CP: variants seen among roughly 807,000 people sequenced by gnomAD.
CP encodes caeruloplasmin.
CP carries 64 observed loss-of-function variants against 122.4 expected under a neutral mutation model. That is an observed-to-expected ratio of 0.52 (90% confidence interval 0.43 to 0.64). The LOEUF (loss-of-function observed/expected upper bound fraction) is 0.64. Among genes scored for constraint, CP ranks in the 30% least tolerant of loss-of-function variants. The pLI, the probability that CP is intolerant of heterozygous loss-of-function variation, is 0.00. For synonymous variants in CP, 440 were observed against 436.4 expected, an observed-to-expected ratio of 1.01 and a Z score of -0.10; for missense variants, 1,167 against 1,284.4, an observed-to-expected ratio of 0.91 and a Z score of 1.40.
chr3:149,175,664 A>AGTGTGTTTGTGT (rs1725369518), intron 18 of CP, among the ~76,000 whole-genome samples: 2 of 145,566 alleles, frequency 1.4e-5, no homozygotes, highest in South Asian at 4.4e-4. Flanking sequence ...CTCCATTTTA[A>AGTGTGTTTGTGT]GTGTGTGTGT....
intron 5 of CP, chr3:149,165,894 A>C: frequency 2.4e-6 from 1 of 415,064 alleles, no homozygotes; most frequent in Non-Finnish European, 4.9e-6. Context: ...GATTGTCAGG[A>C]AATTATTCAC....
At chr3:149,214,193 G>A (rs11709714) in intron 1 of CP, among the ~76,000 whole-genome samples, 60,395 of 151,948 alleles carry the variant, frequency 0.4, 13,723 homozygotes, top group Admixed American at 0.53. Flanking sequence ...TAGAAAACTC[G>A]GTTTCCAGGT....
In CP at chr3:149,162,791, CTT is replaced by C. The variant is rs1313576315; in HGVS notation, c.*96_*97del. On this transcript the variant is annotated 3_prime_UTR_variant, in exon 6 of 6. Transcript: ENST00000479771. ...TCCCAGATGTGGTACTTCAGGAACT[CTT>C]TTTCAAACTCACATCACAGTACATC... The C allele has an allele frequency of 8.1e-6, 13 of 1,613,998 alleles. No individual in the cohort carries two copies. The highest frequency in any genetic ancestry group is 1.7e-4 in the Middle Eastern group (1 of 6,060).
At chr3:149,207,646 A>G in intron 4 of CP, 29 bp from the exon 5 acceptor site, 1 of 1,612,360 alleles carries the variant, frequency 6.2e-7, no homozygotes, top group Non-Finnish European at 8.5e-7. Context: ...GTTTGTGACT[A>G]AGAGTCATTA....
At chr3:149,166,151 A>G (rs1315783347) in intron 4 of CP, 1 of 386,700 alleles carries the variant, frequency 2.6e-6, no homozygotes, top group Non-Finnish European at 5.1e-6. Flanking sequence ...GGTAGAATCA[A>G]AAGTAGTATT....
At chr3:149,193,872 G>A (rs1278448349) in intron 9 of CP, among the ~76,000 whole-genome samples, 1 of 152,222 alleles carries the variant, frequency 6.6e-6, no homozygotes, top group Non-Finnish European at 1.5e-5. Context: ...TAACTAATCT[G>A]TAGCCACATG....
At chr3:149,168,021 G>C, downstream of CP, 1 of 1,195,690 alleles carries the variant, frequency 8.4e-7, no homozygotes, top group Non-Finnish European at 1.2e-6. Context: ...ATAAACTTAA[G>C]TTTCAGTTTT....
At chr3:149,190,681 A>AG (rs1204848851) in intron 9 of CP, among the ~76,000 whole-genome samples, 43 of 146,930 alleles carry the variant, frequency 2.9e-4, no homozygotes, top group South Asian at 8.7e-4. Flanking sequence ...AAAAAAAAGG[A>AG]GGGGGGGAAC....
chr3:149,162,448 T>C (rs1194724978), exon 6 of CP: 1 of 982,028 alleles, frequency 1.0e-6, no homozygotes, highest in Admixed American at 2.0e-5. Flanking sequence ...AAAACAGACA[T>C]ACATAATCAG....
intron 11 of CP, 147 bp downstream of exon 11, chr3:149,186,373 G>C (rs1246601955): frequency 2.7e-6 from 2 of 744,062 alleles, no homozygotes; most frequent in Non-Finnish European, 4.8e-6. Context: ...GCTGATAGTG[G>C]CCTAGACTTG....
At chr3:149,174,782 G>A (rs1261922214) in intron 18 of CP, among the ~76,000 whole-genome samples, 1 of 152,016 alleles carries the variant, frequency 6.6e-6, no homozygotes, top group Non-Finnish European at 1.5e-5. Context: ...CTGATTTTAT[G>A]GGCCAAAGAT....
At chr3:149,187,291 C>T (rs1195002331) in intron 10 of CP, among the ~76,000 whole-genome samples, 4 of 151,988 alleles carry the variant, frequency 2.6e-5, no homozygotes, top group Non-Finnish European at 4.4e-5. Flanking sequence ...TTGTGGGTAG[C>T]GTGACTAGTA....
intron 1 of CP, among the ~76,000 whole-genome samples, chr3:149,219,300 A>C (rs566043171): frequency 6.6e-6 from 1 of 152,284 alleles, no homozygotes; most frequent in East Asian, 1.9e-4. Context: ...AAGGAGCCTT[A>C]AGTATCTCTA....
intron 1 of CP, among the ~76,000 whole-genome samples, chr3:149,218,139 T>C (rs751634208): frequency 1.3e-5 from 2 of 152,154 alleles, no homozygotes; most frequent in Non-Finnish European, 2.9e-5. Flanking sequence ...TCCAGCTTCC[T>C]AGAGGTCATC....
At position 149,221,627 on chromosome 3, in the gene CP, C is replaced by T; in HGVS notation, c.146+20G>A. On this transcript the variant is annotated intron_variant, in intron 1 of 18. Coordinates refer to ENST00000264613, the MANE Select transcript of CP (RefSeq NM_000096.4). ...ATAACTTAAAATTTTGGTCTATAAA[C>T]AATAAAAATAGTGACTTACGTGTCA... 6.2e-7 allele frequency: 1 copy of T among 1,607,354 alleles called. No individual in the cohort carries two copies. The highest frequency in any genetic ancestry group is 8.5e-7 in the Non-Finnish European group (1 of 1,177,140).
At chr3:149,212,886 G>A (rs1728207526) in intron 1 of CP, among the ~76,000 whole-genome samples, 188 bp from the exon 2 acceptor site, 1 of 152,168 alleles carries the variant, frequency 6.6e-6, no homozygotes, top group Non-Finnish European at 1.5e-5. Flanking sequence ...TTAATGATGT[G>A]AGGCTTTCCA....
chr3:149,181,985 A>AACCC lies in CP; in HGVS notation c.2554+19_2554+20insGGGT. On this transcript the variant is annotated intron_variant, in intron 14 of 18. Transcript: ENST00000264613. ...CAGCCTGTTAAAATGCACCACCCCC[A>AACCC]CCCCCGCCCCCGTGAGTACCTGGTA... 1 of 402,782 alleles carries AACCC rather than the reference A, an allele frequency of 2.5e-6. No individual in the cohort carries two copies. The allele number at this position is 402,782 out of a possible 1,614,324, so 25.0% of individuals were successfully genotyped here.
At chr3:149,189,335 C>T (rs780569806) in intron 9 of CP, among the ~76,000 whole-genome samples, 7 of 151,996 alleles carry the variant, frequency 4.6e-5, no homozygotes, top group Non-Finnish European at 1.0e-4. Flanking sequence ...ATGTGGATCA[C>T]GAGGTCAGGA....
chr3:149,181,975 C>CGGGGGGGGGGGGGG, intron 14 of CP, 30 bp downstream of exon 14: 5 of 1,088,426 alleles, frequency 4.6e-6, no homozygotes, highest in South Asian at 1.2e-5. Flanking sequence ...TGTTAAAATG[C>CGGGGGGGGGGGGGG]ACCACCCCCA....
Sources: gnomAD v4.1 joint callset for allele counts (sites outside exome capture counted in the v4.1 genomes callset) on GRCh38, gnomAD v4.1.1 for gene constraint, MANE v1.5 for transcripts, NCBI Gene and HGNC (gene_info 2026-07-23, HGNC 2026-07-21) for gene names.